Variants in MAF observed in about 807,000 individuals in gnomAD.
MAF encodes MAF bZIP transcription factor, also known as transcription factor Maf.
A neutral mutation model predicts 22.0 loss-of-function variants in MAF; 10 were observed. The ratio of observed to expected loss-of-function variants is 0.45; its 90% CI spans 0.28 to 0.77. The LOEUF (loss-of-function observed/expected upper bound fraction) is 0.77. Among genes scored for constraint, MAF ranks in the 30% least tolerant of loss-of-function variants. MAF has a pLI of 0.12. For missense variants in MAF, 544 were observed against 548.4 expected (o/e 0.99, Z 0.08); for synonymous variants, 337 against 255.8 (o/e 1.32, Z -3.03).
chr16:79,257,684 A>T, the MAF span, among the ~76,000 whole-genome samples: 4 of 152,136 alleles, frequency 2.6e-5, no homozygotes, highest in Non-Finnish European at 5.9e-5. Context: ...GTCATCCCAT[A>T]TTTGTGTCCA....
chr16:79,333,084 C>A, the MAF span, among the ~76,000 whole-genome samples: 1 of 152,188 alleles, frequency 6.6e-6, no homozygotes, highest in Non-Finnish European at 1.5e-5. Context: ...TAAGGATAGG[C>A]GCTGCAGTCC....
chr16:79,442,304 A>G, the MAF span, among the ~76,000 whole-genome samples: 1 of 152,218 alleles, frequency 6.6e-6, no homozygotes, highest in African/African-American at 2.4e-5. Context: ...GAAAGAACTA[A>G]GCAAAGATTT....
chr16:79,431,964 A>G, the MAF span, among the ~76,000 whole-genome samples: 13 of 152,214 alleles, frequency 8.5e-5, no homozygotes, highest in Non-Finnish European at 1.9e-4. Flanking sequence ...ACTGGAATAT[A>G]TTCCAGGATG....
At chr16:79,467,192 C>T in the MAF span, among the ~76,000 whole-genome samples, 1 of 152,096 alleles carries the variant, frequency 6.6e-6, no homozygotes, top group Non-Finnish European at 1.5e-5. Flanking sequence ...CTTACTTGTT[C>T]CTCCCTCCTT....
chr16:79,342,984 T>C, the MAF span, among the ~76,000 whole-genome samples: 1 of 152,066 alleles, frequency 6.6e-6, no homozygotes, highest in African/African-American at 2.4e-5. Context: ...GTTTTTTTCA[T>C]CAACGTTAGA....
the MAF span, among the ~76,000 whole-genome samples, chr16:79,297,062 T>C: frequency 6.6e-5 from 10 of 152,352 alleles, no homozygotes; most frequent in Non-Finnish European, 1.5e-4. Flanking sequence ...GGCCCTGCTT[T>C]AATACAGTCG....
At chr16:79,367,351 C>G in the MAF span, among the ~76,000 whole-genome samples, 1 of 152,166 alleles carries the variant, frequency 6.6e-6, no homozygotes, top group Non-Finnish European at 1.5e-5. Context: ...AGGGGCCTAC[C>G]TTCTTTGGTT....
the MAF span, among the ~76,000 whole-genome samples, chr16:79,560,421 GA>G: frequency 0.016 from 2,217 of 141,940 alleles, 35 homozygotes; most frequent in African/African-American, 0.042. Flanking sequence ...AAAGCAAGCT[GA>G]AAAAAAAAAA....
the MAF span, among the ~76,000 whole-genome samples, chr16:79,238,129 T>C: frequency 6.6e-6 from 1 of 152,140 alleles, no homozygotes; most frequent in Admixed American, 6.6e-5. Context: ...ACTCTGACCC[T>C]TTCTGAGGCT....
the MAF span, among the ~76,000 whole-genome samples, chr16:79,238,203 G>A: frequency 2.0e-5 from 3 of 152,000 alleles, no homozygotes; most frequent in Admixed American, 6.6e-5. Context: ...ACAGAGCCCA[G>A]CATCCCCACA....
At chr16:79,598,704 G>C (rs1415302760) in intron 1 of MAF, 81 bp downstream of exon 1, 71 of 1,593,214 alleles carry the variant, frequency 4.5e-5, no homozygotes, top group Non-Finnish European at 5.6e-5. Flanking sequence ...CATGGCTCTA[G>C]AACTAGCAAG....
the MAF span, among the ~76,000 whole-genome samples, chr16:79,315,007 G>A: frequency 3.3e-5 from 5 of 152,360 alleles, no homozygotes; most frequent in South Asian, 8.3e-4. Flanking sequence ...AATTAATGAA[G>A]ACGGGGGCCC....
the MAF span, among the ~76,000 whole-genome samples, chr16:79,208,369 ATGAT>A: frequency 8.6e-4 from 111 of 129,140 alleles, no homozygotes; most frequent in Non-Finnish European, 1.2e-3. Flanking sequence ...CTTCTGATAA[ATGAT>A]TGATTCTCAA....
At chr16:79,474,814 C>T in the MAF span, among the ~76,000 whole-genome samples, 30 of 152,236 alleles carry the variant, frequency 2.0e-4, no homozygotes, top group Admixed American at 1.0e-3. Context: ...AAGATTCCTC[C>T]TCACCCCCAT....
the MAF span, among the ~76,000 whole-genome samples, chr16:79,381,644 C>G: frequency 6.6e-6 from 1 of 152,112 alleles, no homozygotes; most frequent in Non-Finnish European, 1.5e-5. Flanking sequence ...GTCTGGGGGC[C>G]CATGTTCCAC....
chr16:79,350,980 A>C, the MAF span, among the ~76,000 whole-genome samples: 1 of 152,050 alleles, frequency 6.6e-6, no homozygotes, highest in East Asian at 1.9e-4. Flanking sequence ...CCTGGCCCAC[A>C]TTCTTTTTTC....
the MAF span, among the ~76,000 whole-genome samples, chr16:79,510,130 C>A: frequency 6.6e-6 from 1 of 152,176 alleles, no homozygotes; most frequent in Non-Finnish European, 1.5e-5. Flanking sequence ...TTTCTTCCTC[C>A]ATAAAATGGG....
chr16:79,475,597 G>T, the MAF span, among the ~76,000 whole-genome samples: 9 of 152,272 alleles, frequency 5.9e-5, no homozygotes, highest in Non-Finnish European at 1.0e-4. Context: ...TTTCCTGGGG[G>T]AGATGGAGAT....
the MAF span, among the ~76,000 whole-genome samples, chr16:79,296,461 C>G: frequency 2.6e-5 from 4 of 152,062 alleles, no homozygotes; most frequent in Admixed American, 2.0e-4. Flanking sequence ...AGCAAACTAC[C>G]ATGGCATATG....
Sources: gnomAD v4.1 joint callset for allele counts (sites outside exome capture counted in the v4.1 genomes callset) on GRCh38, gnomAD v4.1.1 for gene constraint, MANE v1.5 for transcripts, NCBI Gene and HGNC (gene_info 2026-07-23, HGNC 2026-07-21) for gene names.